DENND1A: variants seen among roughly 807,000 people sequenced by gnomAD.
DENND1A encodes the protein DENN domain-containing protein 1A.
Under a neutral mutation model 113.7 loss-of-function variants are expected in DENND1A, and 51 were observed. That is an observed-to-expected ratio of 0.45 (90% CI 0.36 to 0.57). The LOEUF is 0.57. Among genes scored for constraint, DENND1A ranks in the 20% least tolerant of loss-of-function variants. The probability of loss-of-function intolerance (pLI) is 0.00; values close to 1 mark genes in which losing one functional copy is unlikely to be tolerated. For missense variants in DENND1A, 1,258 were observed against 1,395.9 expected (o/e 0.90, Z 1.57); for synonymous variants, 565 against 570.8 (o/e 0.99, Z 0.14).
intron 13 of DENND1A, among the ~76,000 whole-genome samples, chr9:123,547,810 T>C (rs2056799489): frequency 6.6e-6 from 1 of 152,218 alleles, no homozygotes; most frequent in Non-Finnish European, 1.5e-5. Context: ...GGGCACTTGT[T>C]GAACAAGTAT....
At chr9:123,598,566 G>C (rs2059804309) in intron 11 of DENND1A, among the ~76,000 whole-genome samples, 1 of 150,236 alleles carries the variant, frequency 6.7e-6, no homozygotes, top group Non-Finnish European at 1.5e-5. Flanking sequence ...AACAATTTTT[G>C]GAAACCTAAA....
intron 1 of DENND1A, among the ~76,000 whole-genome samples, chr9:123,905,633 G>T (rs111722801): frequency 6.7e-6 from 1 of 148,538 alleles, no homozygotes; most frequent in African/African-American, 2.5e-5. Context: ...ATGGTAAAGG[G>T]ATCAATTCAA....
At chr9:123,647,769 G>GTC (rs2062417247) in intron 9 of DENND1A, among the ~76,000 whole-genome samples, 1 of 152,082 alleles carries the variant, frequency 6.6e-6, no homozygotes, top group African/African-American at 2.4e-5. Flanking sequence ...ATATTCTACT[G>GTC]TGTGACTACA....
intron 13 of DENND1A, among the ~76,000 whole-genome samples, chr9:123,527,095 C>T (rs2054908920): frequency 6.6e-6 from 1 of 152,120 alleles, no homozygotes; most frequent in Admixed American, 6.5e-5. Flanking sequence ...TTTTACTTTT[C>T]TCTCTCTTTT....
At chr9:123,470,044 A>T (rs902922700) in intron 13 of DENND1A, among the ~76,000 whole-genome samples, 2 of 152,196 alleles carry the variant, frequency 1.3e-5, no homozygotes, top group African/African-American at 4.8e-5. Context: ...TTCTAAGGTG[A>T]TGTTGAACAG....
intron 5 of DENND1A, among the ~76,000 whole-genome samples, chr9:123,702,036 G>T (rs1204178359): frequency 3.3e-5 from 5 of 152,088 alleles, no homozygotes; most frequent in African/African-American, 4.8e-5. Flanking sequence ...TTTTAAAGGT[G>T]CTCAATAAAC....
chr9:123,894,755 T>C (rs1383974827), intron 1 of DENND1A, among the ~76,000 whole-genome samples: 1 of 152,166 alleles, frequency 6.6e-6, no homozygotes, highest in Non-Finnish European at 1.5e-5. Flanking sequence ...AAAATAATGG[T>C]GACAGGAGAT....
chr9:123,657,395 T>G (rs1589546134), intron 8 of DENND1A, among the ~76,000 whole-genome samples: 17 of 23,134 alleles, frequency 7.3e-4, no homozygotes, highest in African/African-American at 1.3e-3. Context: ...CAGGTGGGGG[T>G]GGTGGCGATG....
At chr9:123,412,385 GCT>G (rs1446469949) in intron 19 of DENND1A, among the ~76,000 whole-genome samples, 2 of 152,204 alleles carry the variant, frequency 1.3e-5, no homozygotes, top group Non-Finnish European at 2.9e-5. Context: ...TCCTTCAAGA[GCT>G]CTGTCGGCTC....
At chr9:123,900,130 G>A (rs1035840106) in intron 1 of DENND1A, among the ~76,000 whole-genome samples, 5 of 152,078 alleles carry the variant, frequency 3.3e-5, no homozygotes, top group East Asian at 1.9e-4. Flanking sequence ...CTCCTAAAGC[G>A]GATTGCTAAA....
At chr9:123,806,308 T>G (rs1041348552) in intron 2 of DENND1A, among the ~76,000 whole-genome samples, 1 of 151,870 alleles carries the variant, frequency 6.6e-6, no homozygotes, top group Non-Finnish European at 1.5e-5. Context: ...GAGGCTGGAG[T>G]GCAGTGGCGT....
intron 19 of DENND1A, among the ~76,000 whole-genome samples, chr9:123,417,547 AG>A (rs1424271885): frequency 6.6e-6 from 1 of 152,232 alleles, no homozygotes; most frequent in Non-Finnish European, 1.5e-5. Context: ...AGGTATTCTT[AG>A]CCCATTGTGC....
intron 19 of DENND1A, among the ~76,000 whole-genome samples, chr9:123,420,944 G>A (rs2045239370): frequency 6.6e-6 from 1 of 151,504 alleles, no homozygotes. Context: ...TGAATAGGTG[G>A]CATCCCATTG....
At chr9:123,470,239 C>T (rs1227765786) in intron 13 of DENND1A, among the ~76,000 whole-genome samples, 3 of 152,124 alleles carry the variant, frequency 2.0e-5, no homozygotes, top group Non-Finnish European at 4.4e-5. Context: ...TGAGAGCTGA[C>T]ATGAGTGAGA....
At chr9:123,838,662 G>A (rs117340080) in intron 2 of DENND1A, among the ~76,000 whole-genome samples, 4 of 152,216 alleles carry the variant, frequency 2.6e-5, no homozygotes, top group East Asian at 1.9e-4. Flanking sequence ...CATTCAAGGC[G>A]GTACCTGGAA....
At chr9:123,723,843 C>A (rs1249215099) in intron 5 of DENND1A, among the ~76,000 whole-genome samples, 1 of 152,190 alleles carries the variant, frequency 6.6e-6, no homozygotes, top group Non-Finnish European at 1.5e-5. Context: ...TGCTTTTATA[C>A]CCTTATCACA....
At position 123,930,074 on chromosome 9, in the gene DENND1A, G is replaced by C. The variant is rs971712105; in HGVS notation, c.-169C>G. The C allele has an allele frequency of 4.8e-6, 1 of 209,794 alleles. No individual in the cohort carries two copies. Among genetic ancestry groups the C allele is most frequent in the Non-Finnish European group, 9.3e-6 (1 of 107,280 alleles). The allele number at this position is 209,794 out of a possible 1,614,324, so 13.0% of individuals were successfully genotyped here. ...TCCCTCGCCGCCGCCGCCGCCTCCA[G>C]GGGTTAATGTACTCGCTCCAGCCCG... On this transcript the variant is annotated 5_prime_UTR_variant, in exon 1 of 24. Coordinates refer to ENST00000394215, the MANE Select transcript of DENND1A (RefSeq NM_001352964.2).
At chr9:123,751,844 T>G (rs1399867540) in intron 5 of DENND1A, 1 of 152,270 alleles carries the variant, frequency 6.6e-6, no homozygotes, top group Non-Finnish European at 1.5e-5. Flanking sequence ...TAACTGGAAC[T>G]CATCAGCAAC....
At chr9:123,846,375 A>C (rs1436657920) in intron 2 of DENND1A, among the ~76,000 whole-genome samples, 2 of 152,264 alleles carry the variant, frequency 1.3e-5, no homozygotes, top group African/African-American at 4.8e-5. Context: ...GCAGAAATGC[A>C]AACATATACC....
Sources: allele counts gnomAD v4.1 joint callset (sites outside exome capture counted in the v4.1 genomes callset), GRCh38; gene constraint gnomAD v4.1.1; transcripts MANE v1.5; gene names NCBI Gene and HGNC (gene_info 2026-07-23, HGNC 2026-07-21).